TENM1: variants seen among roughly 807,000 people sequenced by gnomAD.
TENM1 encodes teneurin-1.
A neutral mutation model predicts 174.8 loss-of-function variants in TENM1; 35 were observed. The ratio of observed to expected loss-of-function variants is 0.20; its 90% CI spans 0.15 to 0.27. The LOEUF (loss-of-function observed/expected upper bound fraction) is 0.27, where lower values mean the gene tolerates loss of function less well. Ranked by LOEUF, TENM1 falls within the 10% of genes least tolerant of loss-of-function variation. The pLI is 1.00. For missense variants in TENM1, 1,633 were observed against 2,130.1 expected, an observed-to-expected ratio of 0.77 and a Z score of 4.59; for synonymous variants, 781 against 798.7, an observed-to-expected ratio of 0.98 and a Z score of 0.37.
chrX:124,883,951 T>TGCTGA (rs1386048589), intron 3 of TENM1, among the ~76,000 whole-genome samples: 5 of 111,118 alleles, frequency 4.5e-5, no homozygotes, highest in Non-Finnish European at 9.4e-5. Flanking sequence ...TGCATGCAGG[T>TGCTGA]GCTGACTGTG....
At chrX:124,995,506 C>T in the TENM1 span, among the ~76,000 whole-genome samples, 3 of 111,592 alleles carry the variant, frequency 2.7e-5, no homozygotes, top group Non-Finnish European at 5.7e-5. Flanking sequence ...AATGCTGCTC[C>T]TATTTAGGCC....
the TENM1 span, among the ~76,000 whole-genome samples, chrX:125,155,029 G>C: frequency 9.0e-6 from 1 of 111,580 alleles, no homozygotes. Context: ...TGCTGGCTCG[G>C]GCAGCCTGCT....
At chrX:125,014,647 C>T in the TENM1 span, among the ~76,000 whole-genome samples, 11 of 111,292 alleles carry the variant, frequency 9.9e-5, no homozygotes, top group African/African-American at 3.3e-4. Flanking sequence ...AAATTAGTAG[C>T]TTGATTGAGT....
intron 5 of TENM1, among the ~76,000 whole-genome samples, chrX:124,673,700 G>T (rs1453016853): frequency 1.8e-5 from 2 of 110,959 alleles, no homozygotes; most frequent in African/African-American, 3.3e-5. Context: ...GGCATTTCAG[G>T]ATTTGGCAAG....
At chrX:124,390,645 GA>G (rs2060272827) in intron 28 of TENM1, among the ~76,000 whole-genome samples, 1 of 112,384 alleles carries the variant, frequency 8.9e-6, no homozygotes, top group African/African-American at 3.2e-5. Context: ...CTTCCTTTCT[GA>G]AAAACTAACT....
intron 18 of TENM1, among the ~76,000 whole-genome samples, chrX:124,508,434 C>A (rs1309237659): frequency 8.9e-6 from 1 of 112,369 alleles, no homozygotes; most frequent in African/African-American, 3.2e-5. Context: ...TAACGTTGAA[C>A]CATCTTTCTT....
chrX:125,075,696 C>T, the TENM1 span, among the ~76,000 whole-genome samples: 1 of 111,342 alleles, frequency 9.0e-6, no homozygotes, highest in African/African-American at 3.3e-5. Context: ...GGTATTACAT[C>T]CCTAGTTTTT....
chrX:124,512,663 T>G (rs2047609970), intron 18 of TENM1, among the ~76,000 whole-genome samples: 1 of 103,928 alleles, frequency 9.6e-6, no homozygotes. Flanking sequence ...TTGCAAAGTC[T>G]GTTTCCTTAC....
At chrX:124,983,578 T>C in the TENM1 span, among the ~76,000 whole-genome samples, 6 of 111,486 alleles carry the variant, frequency 5.4e-5, no homozygotes, top group Non-Finnish European at 1.1e-4. Context: ...AACAAAATTT[T>C]GACAAAAGGA....
At chrX:124,465,836 C>T (rs1013343970) in intron 22 of TENM1, among the ~76,000 whole-genome samples, 1 of 111,120 alleles carries the variant, frequency 9.0e-6, no homozygotes, top group Non-Finnish European at 1.9e-5. Context: ...TCCCGTGTCT[C>T]CCCAAAGAGA....
chrX:125,188,528 T>C, the TENM1 span, among the ~76,000 whole-genome samples: 1 of 112,120 alleles, frequency 8.9e-6, no homozygotes, highest in East Asian at 2.8e-4. Context: ...AAACCTATTA[T>C]TTTTATATTT....
chrX:124,786,627 A>C (rs762129449), intron 3 of TENM1, among the ~76,000 whole-genome samples: 1 of 112,309 alleles, frequency 8.9e-6, no homozygotes, highest in African/African-American at 3.2e-5. Context: ...GGCTTAATAG[A>C]ACCATATATA....
At chrX:124,584,195 A>T (rs1166084526) in intron 11 of TENM1, among the ~76,000 whole-genome samples, 1 of 109,805 alleles carries the variant, frequency 9.1e-6, no homozygotes, top group African/African-American at 3.3e-5. Context: ...TGGCACAAAG[A>T]TACTCCTCGA....
intron 3 of TENM1, among the ~76,000 whole-genome samples, chrX:124,768,472 A>G (rs1462111893): frequency 1.8e-5 from 2 of 112,030 alleles, no homozygotes; most frequent in Non-Finnish European, 3.8e-5. Flanking sequence ...TTGGCACATT[A>G]TAAGTGTTTA....
intron 4 of TENM1, among the ~76,000 whole-genome samples, chrX:124,730,462 A>T (rs748780725): frequency 9.0e-6 from 1 of 111,382 alleles, no homozygotes; most frequent in Admixed American, 9.5e-5. Context: ...TTTACAGATG[A>T]GAAAACCGAG....
chrX:124,754,553 T>G (rs1395047533), intron 3 of TENM1, among the ~76,000 whole-genome samples: 2 of 111,464 alleles, frequency 1.8e-5, no homozygotes, highest in Admixed American at 1.9e-4. Context: ...TTGCTCTTGC[T>G]TTTCTAGTTC....
At position 124,467,037 on chromosome X, in the gene TENM1, C is replaced by T. The variant is rs980656623; in HGVS notation, c.3950-13546G>A. Among the ~76,000 whole-genome samples, 88 of 111,227 alleles carry T rather than the reference C, an allele frequency of 7.9e-4. No homozygotes were observed. The Admixed American group carries it at 8.4e-3, about 11-fold the overall frequency. On this transcript the variant is annotated intron_variant, in intron 22 of 31. Transcript: ENST00000422452. ...CACTAAGAGAAATTACCACTGTAGT[C>T]AGCTTCCTTTCCTGAGTAAATACAG...
chrX:124,897,236 T>C (rs1043768292), intron 1 of TENM1, among the ~76,000 whole-genome samples: 6 of 111,567 alleles, frequency 5.4e-5, no homozygotes, highest in Non-Finnish European at 1.1e-4. Flanking sequence ...TAACAATTGC[T>C]AATAAGTTAA....
intron 1 of TENM1, among the ~76,000 whole-genome samples, chrX:124,958,874 T>C (rs1261350005): frequency 9.0e-6 from 1 of 111,389 alleles, no homozygotes; most frequent in Non-Finnish European, 1.9e-5. Flanking sequence ...GTGATGATGA[T>C]GAAGTCAATT....
Sources: gnomAD v4.1 joint callset for allele counts (sites outside exome capture counted in the v4.1 genomes callset) on GRCh38, gnomAD v4.1.1 for gene constraint, MANE v1.5 for transcripts, NCBI Gene and HGNC (gene_info 2026-07-23, HGNC 2026-07-21) for gene names.